The following ABCC2 variants were observed in gnomAD, a reference collection of about 807,000 sequenced individuals.
The protein encoded by ABCC2 is ATP-binding cassette sub-family C member 2.
A neutral mutation model predicts 173.4 loss-of-function variants in ABCC2; 157 were observed. That is an observed-to-expected ratio of 0.91 (90% CI 0.80 to 1.03). The LOEUF (loss-of-function observed/expected upper bound fraction) is 1.03. Among genes scored for constraint, ABCC2 ranks in the 50% least tolerant of loss-of-function variants. The pLI is 0.00. For synonymous variants in ABCC2, 657 were observed against 693.5 expected, an observed-to-expected ratio of 0.95 and a Z score of 0.83; for missense variants, 1,822 against 1,852.3, an observed-to-expected ratio of 0.98 and a Z score of 0.30.
rs138024751 is a variant in ABCC2 at position 99,804,769 on chromosome 10, T to C, written c.1464+496T>C. On this transcript the variant is annotated intron_variant, in intron 10 of 31. Coordinates refer to ENST00000647814, the MANE Select transcript of ABCC2 (RefSeq NM_000392.5). ...GGGTGGACTTGACAGTGTATATGAT[T>C]TATTCACTCATTTGTTTTGCATTCA... 5.9e-3 allele frequency among the ~76,000 whole-genome samples: 894 copies of C among 152,300 alleles called. 17 individuals carry two copies. Among genetic ancestry groups the C allele is most frequent in the African/African-American group, 0.02 (850 of 41,556 alleles).
At chr10:99,821,000 G>A (rs1405408583) in intron 19 of ABCC2, among the ~76,000 whole-genome samples, 1 of 152,192 alleles carries the variant, frequency 6.6e-6, no homozygotes, top group Non-Finnish European at 1.5e-5. Context: ...TCATTCGTGG[G>A]TGTTTCTCGA....
At chr10:99,851,474 A>G in intron 31 of ABCC2, 28 bp from the exon 32 acceptor site, 1 of 1,613,906 alleles carries the variant, frequency 6.2e-7, no homozygotes, top group Non-Finnish European at 8.5e-7. Context: ...GCTTTCTAAG[A>G]CTTTTATTTC....
chr10:99,834,129 G>A (rs1195835639), intron 23 of ABCC2, among the ~76,000 whole-genome samples: 5 of 152,166 alleles, frequency 3.3e-5, no homozygotes, highest in South Asian at 2.1e-4. Flanking sequence ...TGATCCACCC[G>A]CCTCGGCCTT....
At chr10:99,787,155 C>CAA (rs71305558) in intron 2 of ABCC2, among the ~76,000 whole-genome samples, 7,637 of 143,972 alleles carry the variant, frequency 0.053, 249 homozygotes, top group Non-Finnish European at 0.073. Flanking sequence ...GACTCTGTCT[C>CAA]AAAAAAAAAA....
At chr10:99,823,279 C>A (rs1188860396) in intron 19 of ABCC2, among the ~76,000 whole-genome samples, 1 of 151,956 alleles carries the variant, frequency 6.6e-6, no homozygotes, top group Non-Finnish European at 1.5e-5. Context: ...AGTTCTTGTG[C>A]TTTTATGAAT....
At chr10:99,790,543 G>A (rs2037794336) in intron 2 of ABCC2, among the ~76,000 whole-genome samples, 1 of 151,940 alleles carries the variant, frequency 6.6e-6, no homozygotes. Flanking sequence ...CCTGGCCTGG[G>A]GAATAGGCTG....
chr10:99,835,055 G>A (rs530680567), intron 24 of ABCC2, among the ~76,000 whole-genome samples: 12 of 152,284 alleles, frequency 7.9e-5, no homozygotes, highest in African/African-American at 2.4e-4. Flanking sequence ...TGTATTCTTC[G>A]AGGGAATGTG....
Position 99,782,693 on chromosome 10 carries a change from G to C in ABCC2, c.-152G>C, listed in dbSNP as rs191577448. On this transcript the variant is annotated 5_prime_UTR_variant, in exon 1 of 32. Coordinates refer to ENST00000647814, the MANE Select transcript of ABCC2 (RefSeq NM_000392.5). The stretch of plus-strand genomic sequence containing the variant: ...TAACATGCATCTAGGCAAGGTTAAC[G>C]ATTAAATGGTTGGGATGAAAGGTCA... 27 of 891,526 alleles carry C rather than the reference G, an allele frequency of 3.0e-5. No homozygotes were observed. In the African/African-American group the frequency reaches 4.3e-4, roughly 14 times the overall value. The allele number at this position is 891,526 out of a possible 1,614,324, so 55.2% of individuals were successfully genotyped here. A position where few individuals can be genotyped will look rare whatever the true frequency, so the allele number is the denominator to read the frequency against.
chr10:99,795,720 GAAGAAAGAAAGAAAGAAGGAAAGAAAGA>G (rs1564672243), intron 6 of ABCC2, among the ~76,000 whole-genome samples: 3 of 122,752 alleles, frequency 2.4e-5, no homozygotes, highest in Non-Finnish European at 5.2e-5. Context: ...GAGAGAGAGA[GAAGAAAGAAAGAAAGAAGGAAAGAAAGA>G]AAGAAAGAAA....
At position 99,814,181 on chromosome 10, in the gene ABCC2, A is replaced by G. The variant is rs535560259; in HGVS notation, c.2094+1037A>G. Reference sequence around the variant, plus strand: ...TACACACGTATATATACACACATGTATGTATACACACATGTGTATATATAC... The same window carrying G: ...TACACACGTATATATACACACATGTGTGTATACACACATGTGTATATATAC... On this transcript the variant is annotated intron_variant, in intron 16 of 31. Transcript: ENST00000647814. Among the ~76,000 whole-genome samples, 71 of 124,408 alleles carry G rather than the reference A, an allele frequency of 5.7e-4. 4 individuals carry two copies. The highest frequency in any genetic ancestry group is 9.9e-4 in the African/African-American group (32 of 32,210). The allele number at this position is 124,408 out of a possible 152,430, so 81.6% of individuals were successfully genotyped here.
At chr10:99,794,321 T>A (rs112808765) in intron 5 of ABCC2, 92 bp from the exon 6 acceptor site, 1 of 1,191,738 alleles carries the variant, frequency 8.4e-7, no homozygotes, top group Non-Finnish European at 1.2e-6. Context: ...TAGCACAACA[T>A]TATATCATTA....
At chr10:99,806,073 CTG>C (rs1554849150) in intron 11 of ABCC2, among the ~76,000 whole-genome samples, 2 of 42,942 alleles carry the variant, frequency 4.7e-5, no homozygotes, top group South Asian at 1.2e-3. Context: ...CTCTCTCTCT[CTG>C]TCTGTGTGTG....
intron 19 of ABCC2, among the ~76,000 whole-genome samples, chr10:99,822,584 C>A (rs997484651): frequency 2.0e-5 from 3 of 150,714 alleles, no homozygotes; most frequent in African/African-American, 7.3e-5. Context: ...CCCTATTTCC[C>A]ATGTCTTATT....
intron 9 of ABCC2, among the ~76,000 whole-genome samples, chr10:99,800,908 C>T (rs1311396184): frequency 2.0e-5 from 3 of 152,154 alleles, no homozygotes; most frequent in Admixed American, 1.3e-4. Context: ...AATATAAGGT[C>T]AGAAAAGAAG....
intron 25 of ABCC2, among the ~76,000 whole-genome samples, chr10:99,836,869 G>C (rs1158567197): frequency 1.3e-5 from 2 of 152,172 alleles, no homozygotes; most frequent in African/African-American, 2.4e-5. Flanking sequence ...GTATGTCCTG[G>C]AAAGAGGAAG....
chr10:99,786,902 C>CG (rs2037720679), intron 2 of ABCC2, among the ~76,000 whole-genome samples: 1 of 151,786 alleles, frequency 6.6e-6, no homozygotes. Context: ...ACTCAGGAGA[C>CG]TGAGGCAGAG....
In ABCC2 at chr10:99,832,044, C is replaced by G. The variant is rs1442375990; in HGVS notation, c.3171C>G (p.His1057Gln). Residue 1057 changes from histidine to glutamine, a missense_variant, in exon 23 of 32, where the codon CAC becomes CAG. Coordinates refer to ENST00000647814, the MANE Select transcript of ABCC2 (RefSeq NM_000392.5). ...FGFVHASNILHKQLLNNILRA... is the reference protein window; with the variant it reads ...FGFVHASNILQKQLLNNILRA... ...TCGTCCATGCATCAAATATCTTGCA[C>G]AAGCAACTGCTGAACAATATCCTTC... 8 of 1,614,228 alleles carry G rather than the reference C, an allele frequency of 5.0e-6. No homozygotes were observed. The South Asian group carries it at 7.7e-5, about 16-fold the overall frequency.
intron 2 of ABCC2, among the ~76,000 whole-genome samples, chr10:99,785,862 A>G (rs1464297395): frequency 3.3e-5 from 5 of 152,014 alleles, no homozygotes; most frequent in African/African-American, 1.2e-4. Flanking sequence ...AAGGCAAACT[A>G]GATTCCATTG....
At chr10:99,783,807 A>G (rs577453174) in intron 1 of ABCC2, among the ~76,000 whole-genome samples, 1 of 152,270 alleles carries the variant, frequency 6.6e-6, no homozygotes, top group Non-Finnish European at 1.5e-5. Context: ...GGGCTATAGT[A>G]TCTAGACAGG....
Sources: allele counts gnomAD v4.1 joint callset (sites outside exome capture counted in the v4.1 genomes callset), GRCh38; gene constraint gnomAD v4.1.1; transcripts MANE v1.5; gene names NCBI Gene and HGNC (gene_info 2026-07-23, HGNC 2026-07-21).